RUVBL1: variants seen among roughly 807,000 people sequenced by gnomAD.
The protein encoded by RUVBL1 is ruvB-like 1.
RUVBL1 carries 4 observed loss-of-function variants against 52.4 expected under a neutral mutation model. The ratio of observed to expected loss-of-function variants is 0.08; its 90% confidence interval spans 0.04 to 0.17. RUVBL1 has a LOEUF of 0.17. RUVBL1 is among the 10% of genes least tolerant of loss of function. The pLI, the probability that RUVBL1 is intolerant of heterozygous loss-of-function variation, is 1.00. For synonymous variants in RUVBL1, 217 were observed against 214.4 expected (o/e 1.01, Z -0.10); for missense variants, 298 against 572.8 (o/e 0.52, Z 4.90).
At chr3:128,093,094 C>T (rs1942883514) in intron 8 of RUVBL1, among the ~76,000 whole-genome samples, 1 of 152,152 alleles carries the variant, frequency 6.6e-6, no homozygotes, top group South Asian at 2.1e-4. Context: ...AATAACCCAA[C>T]AACCCAATGT....
upstream of RUVBL1, among the ~76,000 whole-genome samples, chr3:128,128,017 TAC>T (rs1481734593): frequency 6.6e-6 from 1 of 150,596 alleles, no homozygotes; most frequent in African/African-American, 2.4e-5. Flanking sequence ...AATACATACA[TAC>T]ATACATACAT....
chr3:128,088,105 T>C (rs1942707095), intron 8 of RUVBL1, among the ~76,000 whole-genome samples: 1 of 151,732 alleles, frequency 6.6e-6, no homozygotes, highest in Non-Finnish European at 1.5e-5. Context: ...CTACTAAAAA[T>C]ACAAAAATTA....
downstream of RUVBL1, among the ~76,000 whole-genome samples, chr3:128,078,174 C>T (rs890779847): frequency 1.3e-5 from 2 of 152,332 alleles, no homozygotes; most frequent in Non-Finnish European, 1.5e-5. Context: ...GGATAGAGGT[C>T]GACTGGGAGT....
At position 128,101,462 on chromosome 3, in the gene RUVBL1, C is replaced by T. The variant is rs147594268; in HGVS notation, c.603+97G>A. 3.0e-5 allele frequency: 34 copies of T among 1,122,844 alleles called. No individual in the cohort carries two copies. The East Asian group carries it at 6.1e-4, about 20-fold the overall frequency. 69.6% of individuals were successfully genotyped at this position (1,122,844 alleles called of 1,614,324 possible). ...TAACAGACACCAGCCCCTCCCCACA[C>T]ACCCCACACCCTCTGAAGAAAGCAA... On this transcript the variant is annotated intron_variant, in intron 5 of 10. Transcript: ENST00000322623.
chr3:128,106,803 A>G (rs1276840429), intron 3 of RUVBL1, among the ~76,000 whole-genome samples: 1 of 152,292 alleles, frequency 6.6e-6, no homozygotes, highest in East Asian at 1.9e-4. Flanking sequence ...TATCACCGAA[A>G]CACCCTCAAC....
Position 128,100,733 on chromosome 3 carries a change from C to T in RUVBL1, c.615G>A (p.Arg205=). The change falls in exon 6 of 11, where the codon AGG becomes AGA. Residue 205 remains arginine, a synonymous_variant. Coordinates refer to ENST00000322623, the MANE Select transcript of RUVBL1 (RefSeq NM_003707.3). ...ANSGAVKRQG[R]CDTYATEFDL... ...CGAATTCTGTGGCATAGGTATCACA[C>T]CTGCCCTGCCTCTGCAAAAAGAGAG... 1 of 1,612,848 alleles carries T rather than the reference C, an allele frequency of 6.2e-7. No homozygotes were observed.
chr3:128,093,543 A>C (rs996601044), intron 8 of RUVBL1, among the ~76,000 whole-genome samples: 1 of 152,052 alleles, frequency 6.6e-6, no homozygotes, highest in East Asian at 1.9e-4. Flanking sequence ...CACTGAGCAG[A>C]GTCCATACTG....
At chr3:128,098,856 C>G in intron 7 of RUVBL1, 26 bp downstream of exon 7, 1 of 1,609,294 alleles carries the variant, frequency 6.2e-7, no homozygotes, top group Non-Finnish European at 8.5e-7. Context: ...CTGCCCCTTG[C>G]TCACAGGGCA....
intron 1 of RUVBL1, among the ~76,000 whole-genome samples, chr3:128,150,851 T>C: frequency 2.5e-5 from 2 of 78,944 alleles, no homozygotes; most frequent in South Asian, 4.1e-4. Context: ...ATATATATTC[T>C]ATATATTATA....
intron 3 of RUVBL1, 145 bp from the exon 4 acceptor site, chr3:128,105,069 C>A: frequency 1.2e-5 from 8 of 665,720 alleles, no homozygotes; most frequent in East Asian, 2.9e-5. Context: ...AAAGGCAATA[C>A]AAACATATCA....
intron 1 of RUVBL1, among the ~76,000 whole-genome samples, chr3:128,133,789 C>T (rs1214250262): frequency 6.6e-6 from 1 of 152,198 alleles, no homozygotes; most frequent in Non-Finnish European, 1.5e-5. Flanking sequence ...TGGGTACAAA[C>T]AAGCTCAGAC....
chr3:128,107,619 T>A (rs1287054883), intron 3 of RUVBL1, among the ~76,000 whole-genome samples: 4 of 152,218 alleles, frequency 2.6e-5, no homozygotes, highest in Admixed American at 2.6e-4. Context: ...AGGAAAAGTT[T>A]TACTCTACCT....
chr3:128,152,534 G>A (rs1195348917), intron 1 of RUVBL1, among the ~76,000 whole-genome samples: 1 of 152,070 alleles, frequency 6.6e-6, no homozygotes, highest in East Asian at 1.9e-4. Context: ...AAATGGTCTG[G>A]TTCAGGCTGT....
chr3:128,072,420 T>G (rs559302255), intron 9 of RUVBL1, among the ~76,000 whole-genome samples: 1 of 152,358 alleles, frequency 6.6e-6, no homozygotes, highest in Non-Finnish European at 1.5e-5. Flanking sequence ...CTTGTAGTCT[T>G]AGACCTTGTC....
intron 1 of RUVBL1, among the ~76,000 whole-genome samples, chr3:128,129,529 A>G (rs1943844836): frequency 6.9e-6 from 1 of 144,868 alleles, no homozygotes; most frequent in Admixed American, 6.9e-5. Flanking sequence ...ACAACAACAA[A>G]AGAACAAGCT....
At chr3:128,149,085 T>G (rs948955751) in intron 1 of RUVBL1, among the ~76,000 whole-genome samples, 2 of 144,322 alleles carry the variant, frequency 1.4e-5, no homozygotes, top group Non-Finnish European at 3.2e-5. Context: ...GCTTTGTGTC[T>G]GATATAATTT....
At chr3:128,137,076 G>T (rs554213067) in intron 1 of RUVBL1, among the ~76,000 whole-genome samples, 1 of 151,856 alleles carries the variant, frequency 6.6e-6, no homozygotes, top group Non-Finnish European at 1.5e-5. Flanking sequence ...ACCACGTTAG[G>T]CCACAAAACA....
chr3:128,129,479 C>T (rs1559832677), intron 1 of RUVBL1, among the ~76,000 whole-genome samples: 1 of 151,728 alleles, frequency 6.6e-6, no homozygotes, highest in Non-Finnish European at 1.5e-5. Context: ...AAATTCATAA[C>T]CTAACTGTAC....
chr3:128,109,809 A>ATTTTTTTT lies in RUVBL1; in HGVS notation c.361+3071_361+3078dup, dbSNP rs60187195. On this transcript the variant is annotated intron_variant, in intron 3 of 10. Coordinates refer to ENST00000322623, the MANE Select transcript of RUVBL1 (RefSeq NM_003707.3). ...GCCATCAGGCCTGGCCTCTCTGTAA[A>ATTTTTTTT]TTTTTTTTTTTTTTTTTTTTTTTTT... Among the ~76,000 whole-genome samples the ATTTTTTTT allele has an allele frequency of 1.5e-4, 12 of 80,486 alleles. 1 individual carries two copies. Among genetic ancestry groups the ATTTTTTTT allele is most frequent in the East Asian group, 4.0e-4 (1 of 2,492 alleles). The allele number at this position is 80,486 out of a possible 152,430, so 52.8% of individuals were successfully genotyped here.
Sources: allele counts gnomAD v4.1 joint callset (sites outside exome capture counted in the v4.1 genomes callset), GRCh38; gene constraint gnomAD v4.1.1; transcripts MANE v1.5; gene names NCBI Gene and HGNC (gene_info 2026-07-23, HGNC 2026-07-21).